TENM2: variants seen among roughly 807,000 people sequenced by gnomAD.
The protein encoded by TENM2 is teneurin-2.
A neutral mutation model predicts 245.2 loss-of-function variants in TENM2; 52 were observed. That is an observed-to-expected ratio of 0.21 (90% CI 0.17 to 0.27). The LOEUF is 0.27. Ranked by LOEUF, TENM2 falls within the 10% of genes least tolerant of loss-of-function variation. The pLI is 1.00. For missense variants in TENM2, 3,046 were observed against 3,666.8 expected (o/e 0.83, Z 4.37); for synonymous variants, 1,363 against 1,438.9 (o/e 0.95, Z 1.19).
intron 7 of TENM2, among the ~76,000 whole-genome samples, chr5:168,070,528 T>C (rs1281613690): frequency 1.3e-5 from 2 of 150,676 alleles, no homozygotes; most frequent in Non-Finnish European, 2.9e-5. Flanking sequence ...ATGCCTATAA[T>C]CCTGGCACTT....
chr5:168,112,419 T>A (rs1794733835), intron 9 of TENM2, among the ~76,000 whole-genome samples: 1 of 152,092 alleles, frequency 6.6e-6, no homozygotes, highest in Non-Finnish European at 1.5e-5. Context: ...TTTTTCCCTG[T>A]ATGTGTCCAT....
chr5:167,595,603 GAATA>G (rs972471200), intron 2 of TENM2, among the ~76,000 whole-genome samples: 13 of 152,318 alleles, frequency 8.5e-5, no homozygotes, highest in Admixed American at 6.5e-4. Context: ...TCATTGAGGA[GAATA>G]AATAGAGAGC....
chr5:167,317,861 A>C (rs1756466025), intron 1 of TENM2, among the ~76,000 whole-genome samples: 1 of 152,102 alleles, frequency 6.6e-6, no homozygotes, highest in African/African-American at 2.4e-5. Context: ...GGAAGAGGGG[A>C]TAAAAAGCCA....
chr5:167,931,887 C>A lies in TENM2; in HGVS notation c.713-20701C>A, dbSNP rs113209227. The stretch of plus-strand genomic sequence containing the variant: ...GCCGTTGCAGAGATGAAATCTGCAT[C>A]CCCTCACTTTCTTGTGTAGGGCACT... On this transcript the variant is annotated intron_variant, in intron 3 of 28. Transcript: ENST00000518659. Among the ~76,000 whole-genome samples the A allele has an allele frequency of 2.2e-3, 340 of 152,292 alleles. 1 individual carries two copies. The highest frequency in any genetic ancestry group is 3.0e-3 in the Non-Finnish European group (205 of 68,032).
At chr5:167,403,318 TA>T (rs11456572) in intron 2 of TENM2, among the ~76,000 whole-genome samples, 6 of 149,898 alleles carry the variant, frequency 4.0e-5, no homozygotes, top group Admixed American at 2.0e-4. Context: ...TTTTTGGTAG[TA>T]AAAAAAAAAC....
intron 2 of TENM2, among the ~76,000 whole-genome samples, chr5:167,717,718 G>A (rs1224222916): frequency 6.6e-6 from 1 of 152,116 alleles, no homozygotes; most frequent in Non-Finnish European, 1.5e-5. Context: ...TGCATCGAGA[G>A]GCTGTGTGCC....
Position 167,503,074 on chromosome 5 carries a change from G to T in TENM2, c.502+127601G>T, listed in dbSNP as rs374324278. ...ACTCTTGACCTCAGGTGATCCACCC[G>T]ACTCGGCCTCCTAAAGTGCTGGGAT... On this transcript the variant is annotated intron_variant, in intron 2 of 28. Coordinates refer to ENST00000518659, the Ensembl canonical transcript of TENM2. Among the ~76,000 whole-genome samples the T allele has an allele frequency of 2.4e-4, 36 of 152,190 alleles. No individual in the cohort carries two copies. In the East Asian group the frequency reaches 5.0e-3, roughly 21 times the overall value.
intron 5 of TENM2, among the ~76,000 whole-genome samples, chr5:168,012,884 G>T (rs1311493985): frequency 6.6e-6 from 1 of 150,964 alleles, no homozygotes; most frequent in East Asian, 1.9e-4. Context: ...CGTTTCTGCT[G>T]CTCAGTGATG....
intron 2 of TENM2, among the ~76,000 whole-genome samples, chr5:167,859,610 G>A (rs1483649088): frequency 1.9e-4 from 21 of 108,752 alleles, no homozygotes; most frequent in Admixed American, 2.5e-4. Flanking sequence ...GGAGGTGGGG[G>A]GGTCAGCCCT....
intron 2 of TENM2, among the ~76,000 whole-genome samples, chr5:167,872,558 G>GAAAGAA (rs1773067758): frequency 3.2e-5 from 2 of 61,580 alleles, no homozygotes; most frequent in African/African-American, 7.3e-5. Context: ...GAGAAAGAAA[G>GAAAGAA]AAAGAAAGAA....
chr5:167,823,650 C>T (rs998276628), intron 2 of TENM2, among the ~76,000 whole-genome samples: 2 of 152,114 alleles, frequency 1.3e-5, no homozygotes, highest in Non-Finnish European at 2.9e-5. Flanking sequence ...AGACCAGATG[C>T]TTCAGAGAGA....
At chr5:166,992,881 C>T in the TENM2 span, among the ~76,000 whole-genome samples, 1 of 152,198 alleles carries the variant, frequency 6.6e-6, no homozygotes, top group African/African-American at 2.4e-5. Flanking sequence ...ACCTTAACCA[C>T]TTTTCCAAAA....
At chr5:167,743,459 A>G (rs1443400188) in intron 2 of TENM2, among the ~76,000 whole-genome samples, 2 of 152,116 alleles carry the variant, frequency 1.3e-5, no homozygotes, top group Non-Finnish European at 2.9e-5. Context: ...TGTTTAGGGT[A>G]ACTATTCGAA....
chr5:167,317,400 C>T (rs1280549536), intron 1 of TENM2, among the ~76,000 whole-genome samples: 1 of 152,096 alleles, frequency 6.6e-6, no homozygotes, highest in Non-Finnish European at 1.5e-5. Context: ...AGAATGGAGA[C>T]TCATAATGCT....
At chr5:167,227,883 A>G in the TENM2 span, among the ~76,000 whole-genome samples, 1 of 152,214 alleles carries the variant, frequency 6.6e-6, no homozygotes, top group Non-Finnish European at 1.5e-5. Context: ...CTGAGACATC[A>G]GTAATTTGTA....
exon 1 of TENM2, chr5:167,285,018 G>A: frequency 6.4e-7 from 1 of 1,552,158 alleles, no homozygotes; most frequent in Non-Finnish European, 8.7e-7. Flanking sequence ...TGGAAACCGA[G>A]TCACAGACCT....
intron 2 of TENM2, among the ~76,000 whole-genome samples, chr5:167,800,345 T>C (rs1583040200): frequency 6.6e-6 from 1 of 152,178 alleles, no homozygotes; most frequent in Admixed American, 6.5e-5. Context: ...CTTCATGATG[T>C]CGTTTACTTC....
In TENM2 at chr5:167,586,528, A is replaced by G. The variant is rs1231485326; in HGVS notation, c.502+211055A>G. Among the ~76,000 whole-genome samples the G allele has an allele frequency of 2.6e-5, 4 of 152,182 alleles. No individual in the cohort carries two copies. The South Asian group carries it at 6.2e-4, about 24-fold the overall frequency. On this transcript the variant is annotated intron_variant, in intron 2 of 28. Coordinates refer to ENST00000518659, the Ensembl canonical transcript of TENM2. ...TTTGGTTCCCTGAGGATGGTAGCAG[A>G]CTGTTCATTTCTGTCTCACTCTCCC...
the TENM2 span, among the ~76,000 whole-genome samples, chr5:167,034,650 A>AG: frequency 1.3e-5 from 2 of 150,918 alleles, no homozygotes; most frequent in Non-Finnish European, 3.0e-5. Context: ...AAAAAAAAAA[A>AG]AAAGAAAATA....
Sources: gnomAD v4.1 joint callset for allele counts (sites outside exome capture counted in the v4.1 genomes callset) on GRCh38, gnomAD v4.1.1 for gene constraint, MANE v1.5 for transcripts, NCBI Gene and HGNC (gene_info 2026-07-23, HGNC 2026-07-21) for gene names.